The following SNX31 variants were observed in gnomAD, a reference collection of about 807,000 sequenced individuals.
SNX31 encodes sorting nexin-31.
Under a neutral mutation model 65.4 loss-of-function variants are expected in SNX31, and 58 were observed. The ratio of observed to expected loss-of-function variants is 0.89; its 90% confidence interval spans 0.72 to 1.10. The LOEUF (loss-of-function observed/expected upper bound fraction) is 1.10, where lower values mean the gene tolerates loss of function less well. Among genes scored for constraint, SNX31 ranks in the 50% least tolerant of loss-of-function variants. The pLI, the probability that SNX31 is intolerant of heterozygous loss-of-function variation, is 0.00. For missense variants in SNX31, 523 were observed against 529.7 expected (o/e 0.99, Z 0.12); for synonymous variants, 181 against 190.1 (o/e 0.95, Z 0.39).
At chr8:100,608,863 G>A (rs1209401627) in intron 7 of SNX31, among the ~76,000 whole-genome samples, 3 of 152,192 alleles carry the variant, frequency 2.0e-5, no homozygotes, top group South Asian at 4.1e-4. Context: ...ACCAAGATGC[G>A]GATTCCCTTT....
chr8:100,575,151 C>A lies in SNX31; in HGVS notation c.1228-1191G>T, dbSNP rs1435235678. On this transcript the variant is annotated intron_variant, in intron 13 of 13. Transcript: ENST00000311812. The surrounding 1 kb of genome is among the most constrained non-coding windows in gnomAD (Gnocchi z 5.1). ...TTGTTTTGATAGAGGGGCCTCACTG[C>A]CAAGTGGTTAAAGCAACAAACTAAT... Among the ~76,000 whole-genome samples the A allele has an allele frequency of 2.0e-5, 3 of 152,124 alleles. No individual in the cohort carries two copies. Among genetic ancestry groups the A allele is most frequent in the Non-Finnish European group, 2.9e-5 (2 of 68,022 alleles).
At chr8:100,647,511 G>A (rs1819718525) in intron 2 of SNX31, among the ~76,000 whole-genome samples, 1 of 152,106 alleles carries the variant, frequency 6.6e-6, no homozygotes. Flanking sequence ...TGGGTAAGGA[G>A]GGCCAGATTC....
chr8:100,617,545 G>A (rs1054968289), intron 5 of SNX31, 75 bp downstream of exon 5: 5 of 1,017,344 alleles, frequency 4.9e-6, no homozygotes, highest in Admixed American at 4.0e-5. Context: ...GAAGGTAACC[G>A]TATCCCATTC....
At chr8:100,658,575 CT>C (rs1197307727) in intron 1 of SNX31, among the ~76,000 whole-genome samples, 1 of 152,198 alleles carries the variant, frequency 6.6e-6, no homozygotes, top group African/African-American at 2.4e-5. Context: ...CACAACAACC[CT>C]ATGAAATAGG....
chr8:100,577,273 C>T (rs1286398659), intron 12 of SNX31, among the ~76,000 whole-genome samples, 198 bp from the exon 13 acceptor site: 1 of 152,154 alleles, frequency 6.6e-6, no homozygotes, highest in Non-Finnish European at 1.5e-5. Flanking sequence ...AAATAGAGTC[C>T]CCAAAAGTTA....
At chr8:100,587,698 C>T (rs559551606) in intron 11 of SNX31, among the ~76,000 whole-genome samples, 1 of 152,306 alleles carries the variant, frequency 6.6e-6, no homozygotes, top group African/African-American at 2.4e-5. Flanking sequence ...GCTCAATGTC[C>T]ACAAACTTTG....
At chr8:100,637,346 T>C (rs1300845469) in intron 2 of SNX31, among the ~76,000 whole-genome samples, 1 of 152,178 alleles carries the variant, frequency 6.6e-6, no homozygotes, top group African/African-American at 2.4e-5. Context: ...ATGGTACCTC[T>C]AGAGCAGGAG....
At chr8:100,649,735 C>T, upstream of SNX31, 1 of 455,544 alleles carries the variant, frequency 2.2e-6, no homozygotes, top group Non-Finnish European at 3.9e-6. Context: ...CGCTCTGGTC[C>T]CGGGATAGGT....
At chr8:100,643,804 C>A (rs942338396) in intron 2 of SNX31, among the ~76,000 whole-genome samples, 1 of 152,166 alleles carries the variant, frequency 6.6e-6, no homozygotes, top group Non-Finnish European at 1.5e-5. Context: ...TACCCACAAG[C>A]CTTCATTCTG....
rs375796133 is a variant in SNX31 at position 100,596,826 on chromosome 8, C to T, written c.791G>A (p.Arg264Gln). ...DSQTKFLELA[R>Q]EVRHYGYLQL... ...CAGGTATCCATAGTGCCGTACCTCC[C>T]GGGCCAGCTCCAAAAACTGCTCCAA... The change falls in exon 10 of 14, where the codon CGG (arginine) becomes CAG (glutamine). Residue 264 changes from arginine (R) to glutamine (Q), a missense_variant. By Grantham distance (43) the Arg-to-Gln change is conservative (BLOSUM62 1). Coordinates refer to ENST00000311812, the MANE Select transcript of SNX31 (RefSeq NM_152628.4). The T allele has an allele frequency of 5.3e-5, 86 of 1,613,638 alleles. No homozygotes were observed. The highest frequency in any genetic ancestry group is 1.6e-4 in the East Asian group (7 of 44,888).
upstream of SNX31, among the ~76,000 whole-genome samples, chr8:100,653,576 G>A (rs1820009463): frequency 6.6e-6 from 1 of 152,206 alleles, no homozygotes; most frequent in African/African-American, 2.4e-5. Context: ...AGAAGCTCAG[G>A]AGAACAAGGA....
intron 4 of SNX31, among the ~76,000 whole-genome samples, chr8:100,628,758 A>T (rs1289467282): frequency 3.9e-5 from 6 of 152,168 alleles, no homozygotes; most frequent in South Asian, 2.1e-4. Flanking sequence ...AAATTTTTTT[A>T]AAAAAGCAAG....
In SNX31 at chr8:100,622,360, G is replaced by A. The variant is rs2131124255; in HGVS notation, c.322-4630C>T. 6.6e-6 allele frequency among the ~76,000 whole-genome samples: 1 copy of A among 152,242 alleles called. No individual in the cohort carries two copies. The highest frequency in any genetic ancestry group is 1.9e-4 in the East Asian group (1 of 5,176). ...AACTAGCATAGTAGCGTCCGCAATG[G>A]GGCATTTTCCAGGTGTGGTGGCTCA... On this transcript the variant is annotated intron_variant, in intron 4 of 13. Transcript: ENST00000311812. This position sits in a 1 kb window ranked among gnomAD's most constrained non-coding sequence, Gnocchi z 5.0.
chr8:100,630,425 G>A lies in SNX31; in HGVS notation c.257-34C>T. ...CATGGACGGTGAGCCAGGTTAGCAT[G>A]GGCTGGGCTGGGCCCTGCCTATTAA... On this transcript the variant is annotated intron_variant, in intron 3 of 13. Coordinates refer to ENST00000311812, the MANE Select transcript of SNX31 (RefSeq NM_152628.4). The surrounding 1 kb of genome is among the most constrained non-coding windows in gnomAD (Gnocchi z 5.3). The A allele has an allele frequency of 1.3e-6, 2 of 1,588,380 alleles. No homozygotes were observed. Among genetic ancestry groups the A allele is most frequent in the Non-Finnish European group, 1.7e-6 (2 of 1,164,316 alleles).
At position 100,613,222 on chromosome 8, in the gene SNX31, G is replaced by A; in HGVS notation, c.433-137C>T. 1 of 625,942 alleles carries A rather than the reference G, an allele frequency of 1.6e-6. No homozygotes were observed. The highest frequency in any genetic ancestry group is 3.1e-5 in the Admixed American group (1 of 32,748). The allele number at this position is 625,942 out of a possible 1,614,324, so 38.8% of individuals were successfully genotyped here. A position where few individuals can be genotyped will look rare whatever the true frequency, so the allele number is the denominator to read the frequency against. On this transcript the variant is annotated intron_variant, in intron 5 of 13. Transcript: ENST00000311812. The surrounding 1 kb of genome is among the most constrained non-coding windows in gnomAD (Gnocchi z 5.2). ...ATGGGTTAGTGAACACTCAAAGAAA[G>A]CTTTTTGGAATCAAAAAATGGTATC...
At position 100,573,894 on chromosome 8, in the gene SNX31, A is replaced by C. The variant is rs1389480792; in HGVS notation, c.1294T>G (p.Phe432Val). Residue 432 changes from phenylalanine (F) to valine (V), a missense_variant, in exon 14 of 14, where the codon TTT becomes GTT. Transcript: ENST00000311812. ...AGATCTTCTTCCTTTATGTTCCCAA[A>C]AACGCAGTCATCTTTAGCTATCTTA... The part of the protein sequence containing the change: ...KIKIAKDDCV[F>V]GNIKEEDL 6.3e-7 allele frequency: 1 copy of C among 1,584,680 alleles called. No homozygotes were observed. Among genetic ancestry groups the C allele is most frequent in the East Asian group, 2.3e-5 (1 of 43,056 alleles).
chr8:100,654,911 G>A (rs1175578928), intron 1 of SNX31, among the ~76,000 whole-genome samples: 2 of 152,156 alleles, frequency 1.3e-5, no homozygotes, highest in Non-Finnish European at 2.9e-5. Context: ...TGCTAGGGAG[G>A]CTGAGGCAGG....
At chr8:100,583,678 T>A (rs2507778) in intron 12 of SNX31, among the ~76,000 whole-genome samples, 3 of 151,906 alleles carry the variant, frequency 2.0e-5, no homozygotes, top group African/African-American at 7.3e-5. Flanking sequence ...GCATTTTCAT[T>A]TGGCACAATG....
Position 100,575,639 on chromosome 8 carries a change from C to T in SNX31, c.1227+1380G>A, listed in dbSNP as rs538591104. On this transcript the variant is annotated intron_variant, in intron 13 of 13. Coordinates refer to ENST00000311812, the MANE Select transcript of SNX31 (RefSeq NM_152628.4). The surrounding 1 kb of genome is among the most constrained non-coding windows in gnomAD (Gnocchi z 5.1). ...GTGTTAAAGAGATTGCTGCGGCCTT[C>T]CCCCAGAGCTGCTGATCCAGTAGGT... Among the ~76,000 whole-genome samples, 4 of 152,282 alleles carry T rather than the reference C, an allele frequency of 2.6e-5. No individual in the cohort carries two copies. The South Asian group carries it at 8.3e-4, about 32-fold the overall frequency.
Sources: allele counts gnomAD v4.1 joint callset (sites outside exome capture counted in the v4.1 genomes callset), GRCh38; gene constraint gnomAD v4.1.1; non-coding constraint Gnocchi (gnomAD v3.1); transcripts MANE v1.5; gene names NCBI Gene and HGNC (gene_info 2026-07-23, HGNC 2026-07-21).